Variants in OSBP observed in about 807,000 individuals in gnomAD.
OSBP encodes the protein oxysterol binding protein.
In OSBP, 32 loss-of-function variants were observed where a neutral mutation model predicts 96.6. That is an observed-to-expected ratio of 0.33 (90% CI 0.25 to 0.45). OSBP has a LOEUF of 0.45. OSBP is among the 20% of genes least tolerant of loss of function. The probability of loss-of-function intolerance (pLI) is 1.00; values close to 1 mark genes in which losing one functional copy is unlikely to be tolerated. For synonymous variants in OSBP, 369 were observed against 389.6 expected (o/e 0.95, Z 0.62); for missense variants, 653 against 1,029.7 (o/e 0.63, Z 5.01).
chr11:59,600,656 C>G lies in OSBP; in HGVS notation c.1180-29G>C, dbSNP rs1484080812. The G allele has an allele frequency of 3.7e-6, 6 of 1,606,250 alleles. No individual in the cohort carries two copies. In the Admixed American group the frequency reaches 8.6e-5, roughly 23 times the overall value. On this transcript the variant is annotated intron_variant, in intron 6 of 13. Coordinates refer to ENST00000263847, the MANE Select transcript of OSBP (RefSeq NM_002556.3). Reference sequence around the variant, plus strand: ...AGAGCAAAACAAAGCCATTCAACCACCCACAAAGAACAGAAAACCTGGTAT... The same window carrying G: ...AGAGCAAAACAAAGCCATTCAACCAGCCACAAAGAACAGAAAACCTGGTAT...
Position 59,575,989 on chromosome 11 carries a change from ATC to A in OSBP, c.*586_*587del, listed in dbSNP as rs1281642062. ...CTGAATATTCCAGCCCTATAGAACA[ATC>A]TCTCTCACAGGTGTTCCAATATCGC... On this transcript the variant is annotated 3_prime_UTR_variant, in exon 14 of 14. Transcript: ENST00000263847. The A allele has an allele frequency of 6.6e-6, 1 of 152,284 alleles. No individual in the cohort carries two copies. The highest frequency in any genetic ancestry group is 2.4e-5 in the African/African-American group (1 of 41,416). 9.4% of individuals were successfully genotyped at this position (152,284 alleles called of 1,614,324 possible).
intron 1 of OSBP, among the ~76,000 whole-genome samples, chr11:59,612,188 G>A (rs1207980897): frequency 1.3e-5 from 2 of 152,198 alleles, no homozygotes; most frequent in Non-Finnish European, 2.9e-5. Flanking sequence ...TTTTTCACAT[G>A]AACTGCTCTT....
At chr11:59,598,462 T>C (rs1860683616) in intron 7 of OSBP, among the ~76,000 whole-genome samples, 2 of 152,202 alleles carry the variant, frequency 1.3e-5, no homozygotes, top group Non-Finnish European at 2.9e-5. Context: ...ACCCTTAATT[T>C]TTCACAAGGC....
At chr11:59,599,584 C>T (rs1228854830) in intron 7 of OSBP, among the ~76,000 whole-genome samples, 1 of 152,168 alleles carries the variant, frequency 6.6e-6, no homozygotes, top group African/African-American at 2.4e-5. Context: ...CTGTTTACAC[C>T]ATCAACAGTG....
rs987407199 is a variant in OSBP, at chr11:59,601,381, C to T, written c.1026G>A (p.Gln342=). 1 of 1,605,786 alleles carries T rather than the reference C, an allele frequency of 6.2e-7. No individual in the cohort carries two copies. Among genetic ancestry groups the T allele is most frequent in the Non-Finnish European group, 8.5e-7 (1 of 1,173,418 alleles). The change falls in exon 5 of 14, where the codon CAG becomes CAA. Residue 342 remains glutamine (Q), a synonymous_variant. Coordinates refer to ENST00000263847, the MANE Select transcript of OSBP (RefSeq NM_002556.3). ...TPGNVGSGKD[Q]CCSGKGDMSD... ...TCATGTCCCCTTTGCCAGAGCAGCA[C>T]TGATCTACAAGAAGAAAAGCCCCAT...
chr11:59,614,370 T>A (rs1324153853), intron 1 of OSBP, among the ~76,000 whole-genome samples: 1 of 152,150 alleles, frequency 6.6e-6, no homozygotes, highest in Non-Finnish European at 1.5e-5. Flanking sequence ...AAATACTGTA[T>A]ATAAAACACC....
rs563602581 is a variant in OSBP at position 59,594,121 on chromosome 11, G to A, written c.1446C>T (p.Ser482=). 2.0e-5 allele frequency: 32 copies of A among 1,614,002 alleles called. No individual in the cohort carries two copies. In the Admixed American group the frequency reaches 3.7e-4, roughly 18 times the overall value. Residue 482 remains serine, a synonymous_variant, in exon 8 of 14, where the codon TCC becomes TCT. Coordinates refer to ENST00000263847, the MANE Select transcript of OSBP (RefSeq NM_002556.3). The part of the protein sequence containing the change: ...QLCYVAAFTV[S]SYSTTVFRTS... ...TGCGGAAGACAGTAGTGGAGTAGGA[G>A]GACACGGTGAAAGCTGCAACATAAC...
At chr11:59,614,001 CA>C (rs527907425) in intron 1 of OSBP, among the ~76,000 whole-genome samples, 20 of 152,296 alleles carry the variant, frequency 1.3e-4, no homozygotes, top group Non-Finnish European at 2.1e-4. Context: ...TGCTCTTCAA[CA>C]TCAGTGTTTT....
At chr11:59,611,857 T>C (rs1375793123) in intron 1 of OSBP, among the ~76,000 whole-genome samples, 2 of 152,232 alleles carry the variant, frequency 1.3e-5, no homozygotes, top group Admixed American at 6.5e-5. Context: ...ACACTTCACA[T>C]AGAATACCAA....
chr11:59,605,284 G>A (rs963684520), intron 3 of OSBP, among the ~76,000 whole-genome samples: 7 of 152,184 alleles, frequency 4.6e-5, no homozygotes, highest in African/African-American at 1.7e-4. Flanking sequence ...CCTCATGCTA[G>A]CTGCTTCCTT....
rs764560548 is a variant in OSBP, at chr11:59,576,307, G to C, written c.*270C>G. 4 of 363,874 alleles carry C rather than the reference G, an allele frequency of 1.1e-5. No individual in the cohort carries two copies. Among genetic ancestry groups the C allele is most frequent in the Non-Finnish European group, 2.0e-5 (4 of 203,122 alleles). The allele number at this position is 363,874 out of a possible 1,614,324, so 22.5% of individuals were successfully genotyped here. ...AGAAGAGCCAAGAATACTTGACTTC[G>C]TGGATGTGGAATAACACTAACCTTC... On this transcript the variant is annotated 3_prime_UTR_variant, in exon 14 of 14. Coordinates refer to ENST00000263847, the MANE Select transcript of OSBP (RefSeq NM_002556.3).
chr11:59,595,506 C>A (rs1271764214), intron 7 of OSBP, among the ~76,000 whole-genome samples: 3 of 152,142 alleles, frequency 2.0e-5, no homozygotes, highest in African/African-American at 7.2e-5. Flanking sequence ...CCACCGCCCG[C>A]TCAATCATGA....
chr11:59,583,311 CAAAAATAAAAAAT>C (rs1263801247), intron 9 of OSBP, among the ~76,000 whole-genome samples: 2 of 151,710 alleles, frequency 1.3e-5, no homozygotes, highest in African/African-American at 4.8e-5. Flanking sequence ...GTCGCTGTCT[CAAAAATAAAAAAT>C]AAAAATAAAA....
At chr11:59,585,313 C>A (rs1860484228) in intron 9 of OSBP, among the ~76,000 whole-genome samples, 1 of 152,064 alleles carries the variant, frequency 6.6e-6, no homozygotes, top group Non-Finnish European at 1.5e-5. Flanking sequence ...AGAGGAGCGC[C>A]TCTGCCCGGC....
At chr11:59,602,794 G>A (rs926037262) in intron 3 of OSBP, among the ~76,000 whole-genome samples, 10 of 152,158 alleles carry the variant, frequency 6.6e-5, no homozygotes, top group Non-Finnish European at 1.5e-4. Context: ...ACTAATTTTT[G>A]TATTTTGTAG....
At chr11:59,614,177 C>G (rs541584038) in intron 1 of OSBP, among the ~76,000 whole-genome samples, 1 of 152,080 alleles carries the variant, frequency 6.6e-6, no homozygotes, top group African/African-American at 2.4e-5. Context: ...TGTAACTGAC[C>G]GATTCATTTC....
At chr11:59,596,057 A>C (rs1010307647) in intron 7 of OSBP, among the ~76,000 whole-genome samples, 1 of 152,062 alleles carries the variant, frequency 6.6e-6, no homozygotes, top group African/African-American at 2.4e-5. Flanking sequence ...TTCTCTGTGA[A>C]CATTTTCCAG....
At chr11:59,581,640 C>T (rs1219744910) in intron 9 of OSBP, 86 bp from the exon 10 acceptor site, 1 of 613,466 alleles carries the variant, frequency 1.6e-6, no homozygotes, top group Non-Finnish European at 3.1e-6. Context: ...GATTAATTTC[C>T]TTCTATTGAT....
intron 2 of OSBP, among the ~76,000 whole-genome samples, chr11:59,609,065 A>G (rs1001978565): frequency 6.6e-6 from 1 of 152,210 alleles, no homozygotes; most frequent in African/African-American, 2.4e-5. Flanking sequence ...CCACTGACCT[A>G]CAATACAGAA....
Sources: allele counts gnomAD v4.1 joint callset (sites outside exome capture counted in the v4.1 genomes callset), GRCh38; gene constraint gnomAD v4.1.1; transcripts MANE v1.5; gene names NCBI Gene and HGNC (gene_info 2026-07-23, HGNC 2026-07-21).